Variants in ROBO2 observed in about 807,000 individuals in gnomAD.
ROBO2 encodes the protein roundabout homolog 2.
Under a neutral mutation model 160.8 loss-of-function variants are expected in ROBO2, and 53 were observed. That is an observed-to-expected ratio of 0.33 (90% CI 0.26 to 0.41). ROBO2 has a LOEUF of 0.41. ROBO2 is among the 10% of genes least tolerant of loss of function. The pLI, the probability that ROBO2 is intolerant of heterozygous loss-of-function variation, is 1.00. For synonymous variants in ROBO2, 664 were observed against 611.7 expected (o/e 1.09, Z -1.26); for missense variants, 1,577 against 1,722.4 (o/e 0.92, Z 1.49).
intron 2 of ROBO2, chr3:77,316,890 G>A: frequency 2.6e-6 from 3 of 1,169,040 alleles, no homozygotes; most frequent in Non-Finnish European, 2.6e-6. Context: ...GGCTGGAGTT[G>A]TTCACTTTAG....
intron 6 of ROBO2, among the ~76,000 whole-genome samples, chr3:77,531,901 T>C (rs2091758630): frequency 6.6e-6 from 1 of 152,106 alleles, no homozygotes; most frequent in South Asian, 2.1e-4. Flanking sequence ...TAATGTTTCC[T>C]GCACCTGGCA....
intron 23 of ROBO2, among the ~76,000 whole-genome samples, chr3:77,626,123 T>C (rs1020022247): frequency 1.3e-5 from 2 of 152,174 alleles, no homozygotes; most frequent in African/African-American, 2.4e-5. Flanking sequence ...AGGAAAATAA[T>C]ATGCTGGTTT....
At chr3:76,529,596 T>C (rs1419450638) in intron 2 of ROBO2, among the ~76,000 whole-genome samples, 1 of 152,172 alleles carries the variant, frequency 6.6e-6, no homozygotes, top group East Asian at 1.9e-4. Context: ...GAAATGGGTA[T>C]TCAATGAGAT....
chr3:77,551,508 T>G (rs1053096396), intron 8 of ROBO2, among the ~76,000 whole-genome samples: 1 of 152,050 alleles, frequency 6.6e-6, no homozygotes, highest in African/African-American at 2.4e-5. Context: ...TTGGCACATA[T>G]GCACTTTGAA....
In ROBO2 at chr3:77,622,313, C is replaced by T. The variant is rs779588640; in HGVS notation, c.3641C>T (p.Thr1214Met). 30 of 1,613,984 alleles carry T rather than the reference C, an allele frequency of 1.9e-5. No homozygotes were observed. In the Admixed American group the frequency reaches 2.0e-4, roughly 11 times the overall value. Residue 1214 changes from threonine to methionine, a missense_variant, in exon 23 of 26, where the codon ACG becomes ATG. Transcript: ENST00000461745. ...GGAGCCTTGATTTCTGATTTGGAAA[C>T]GGATGTTGCAGATGATGATGCCGAC...
intron 2 of ROBO2, among the ~76,000 whole-genome samples, chr3:77,138,207 T>G (rs2076428516): frequency 6.6e-6 from 1 of 152,246 alleles, no homozygotes; most frequent in African/African-American, 2.4e-5. Flanking sequence ...TTTCATTTTT[T>G]GCAATGAAAC....
chr3:75,956,954 C>T (rs1948741910), intron 2 of ROBO2, among the ~76,000 whole-genome samples: 1 of 151,588 alleles, frequency 6.6e-6, no homozygotes, highest in African/African-American at 2.4e-5. Context: ...AGTTGATACA[C>T]GTTGTAGCCC....
chr3:77,279,097 G>T (rs1025563350), intron 2 of ROBO2, among the ~76,000 whole-genome samples: 3 of 151,960 alleles, frequency 2.0e-5, no homozygotes, highest in Non-Finnish European at 2.9e-5. Flanking sequence ...TGTGAGATGT[G>T]TTAAGGGTAA....
intron 2 of ROBO2, among the ~76,000 whole-genome samples, chr3:76,008,650 G>A (rs2066100998): frequency 6.6e-6 from 1 of 152,088 alleles, no homozygotes; most frequent in Non-Finnish European, 1.5e-5. Flanking sequence ...TACATCAAAT[G>A]ACCACCCTCT....
rs1456775301 is a variant in ROBO2 at position 77,174,880 on chromosome 3, CA to C, written c.388+76545del. Among the ~76,000 whole-genome samples the C allele has an allele frequency of 3.3e-5, 5 of 151,908 alleles. No individual in the cohort carries two copies. The East Asian group carries it at 9.6e-4, about 29-fold the overall frequency. On this transcript the variant is annotated intron_variant, in intron 2 of 25. Transcript: ENST00000461745. Reference sequence around the variant, plus strand: ...AGGAATTATGTTTAGCTTTGGATTTCAAAAAGGCTTCATAAAAGAAATGGCA... The same window carrying C: ...AGGAATTATGTTTAGCTTTGGATTTCAAAAGGCTTCATAAAAGAAATGGCA...
chr3:77,187,587 A>C (rs1370019723), intron 2 of ROBO2, among the ~76,000 whole-genome samples: 1 of 151,912 alleles, frequency 6.6e-6, no homozygotes, highest in Non-Finnish European at 1.5e-5. Flanking sequence ...GAATCTGTGG[A>C]TCATCCTTAC....
At chr3:77,280,590 T>C (rs769883075) in intron 2 of ROBO2, among the ~76,000 whole-genome samples, 25 of 152,298 alleles carry the variant, frequency 1.6e-4, no homozygotes, top group Admixed American at 3.3e-4. Flanking sequence ...ATGAATAAAC[T>C]ATTTTTTCCA....
intron 2 of ROBO2, among the ~76,000 whole-genome samples, chr3:76,905,043 T>G (rs1412588564): frequency 6.6e-6 from 1 of 152,242 alleles, no homozygotes; most frequent in Non-Finnish European, 1.5e-5. Flanking sequence ...TCTTTCTGTT[T>G]TTTAAACATG....
chr3:77,099,306 C>G (rs2150085127), intron 2 of ROBO2, among the ~76,000 whole-genome samples: 1 of 152,070 alleles, frequency 6.6e-6, no homozygotes, highest in African/African-American at 2.4e-5. Context: ...CTCAGGTGAT[C>G]CACTCGCCTA....
chr3:76,584,586 C>T (rs1448087949), intron 2 of ROBO2, among the ~76,000 whole-genome samples: 1 of 152,126 alleles, frequency 6.6e-6, no homozygotes, highest in Admixed American at 6.5e-5. Flanking sequence ...GAGGATCCTT[C>T]CCCACAGCCC....
At chr3:76,973,973 A>G (rs146107931) in intron 2 of ROBO2, among the ~76,000 whole-genome samples, 1 of 152,338 alleles carries the variant, frequency 6.6e-6, no homozygotes, top group African/African-American at 2.4e-5. Flanking sequence ...ACAATGAGTT[A>G]TGGCAGGACA....
intron 2 of ROBO2, among the ~76,000 whole-genome samples, chr3:77,001,992 G>A (rs1383878511): frequency 6.6e-6 from 1 of 152,006 alleles, no homozygotes; most frequent in Non-Finnish European, 1.5e-5. Context: ...TTAAATAAAA[G>A]CATTTTTAAG....
chr3:77,018,879 T>C (rs2062447453), intron 2 of ROBO2, among the ~76,000 whole-genome samples: 1 of 152,130 alleles, frequency 6.6e-6, no homozygotes, highest in Non-Finnish European at 1.5e-5. Flanking sequence ...CAAATCCAAA[T>C]TACTAGGAGT....
At chr3:77,027,780 G>A (rs2063063265) in intron 2 of ROBO2, among the ~76,000 whole-genome samples, 1 of 152,152 alleles carries the variant, frequency 6.6e-6, no homozygotes, top group Non-Finnish European at 1.5e-5. Flanking sequence ...AATTAAGTGT[G>A]TGCGTGTGTG....
Sources: allele counts gnomAD v4.1 joint callset (sites outside exome capture counted in the v4.1 genomes callset), GRCh38; gene constraint gnomAD v4.1.1; transcripts MANE v1.5; gene names NCBI Gene and HGNC (gene_info 2026-07-23, HGNC 2026-07-21).